The following RASGRP1 variants were observed in gnomAD, a reference collection of about 807,000 sequenced individuals.
RASGRP1 encodes the protein RAS guanyl releasing protein 1, also known as RAS guanyl-releasing protein 1.
In RASGRP1, 37 loss-of-function variants were observed where a neutral mutation model predicts 95.1. That is an observed-to-expected ratio of 0.39 (90% CI 0.30 to 0.51). The LOEUF is 0.51. Among genes scored for constraint, RASGRP1 ranks in the 20% least tolerant of loss-of-function variants. The pLI is 0.80. For missense variants in RASGRP1, 711 were observed against 965.4 expected, an observed-to-expected ratio of 0.74 and a Z score of 3.49; for synonymous variants, 325 against 353.4, an observed-to-expected ratio of 0.92 and a Z score of 0.90.
At chr15:38,524,867 T>C (rs1227743250) in intron 3 of RASGRP1, among the ~76,000 whole-genome samples, 2 of 151,482 alleles carry the variant, frequency 1.3e-5, no homozygotes, top group Non-Finnish European at 2.9e-5. Context: ...TAAGATTCTG[T>C]GAGAAGTACG....
Position 38,507,734 on chromosome 15 carries a change from A to G in RASGRP1, c.1234T>C (p.Leu412=), listed in dbSNP as rs1891319143. Residue 412 remains leucine (L), a synonymous_variant, in exon 9 of 17, where the codon TTG becomes CTG. Transcript: ENST00000310803. ...PLEANKDLVH[L]LTLSLDLYYT... ...TCCAGTGTGAGCCTCACCGTCAGCA[A>G]GTGTACCAAGTCCTTGTTAGCCTCC... 2 of 1,565,776 alleles carry G rather than the reference A, an allele frequency of 1.3e-6. No individual in the cohort carries two copies.
intron 8 of RASGRP1, among the ~76,000 whole-genome samples, chr15:38,509,523 T>C (rs530981218): frequency 1.2e-4 from 18 of 152,098 alleles, no homozygotes; most frequent in Non-Finnish European, 2.1e-4. Context: ...GGTCCAAAGT[T>C]CAAGACCAGC....
chr15:38,509,738 TAATAA>T (rs1891423128), intron 8 of RASGRP1, among the ~76,000 whole-genome samples: 2 of 152,074 alleles, frequency 1.3e-5, no homozygotes. Flanking sequence ...AATAAATAAA[TAATAA>T]AATTTATGAA....
chr15:38,496,797 T>C (rs1279760246), intron 15 of RASGRP1, among the ~76,000 whole-genome samples: 1 of 152,200 alleles, frequency 6.6e-6, no homozygotes, highest in African/African-American at 2.4e-5. Context: ...TAAAAAGGAA[T>C]GTGCATTTCT....
intron 3 of RASGRP1, among the ~76,000 whole-genome samples, chr15:38,520,164 C>T (rs1001405764): frequency 1.3e-5 from 2 of 152,178 alleles, no homozygotes; most frequent in African/African-American, 4.8e-5. Context: ...ATAGGTCCTG[C>T]CATTTCCCAT....
Position 38,516,303 on chromosome 15 carries a change from T to C in RASGRP1, c.569A>G (p.Asn190Ser), listed in dbSNP as rs1891783233. ...GGAGACTTTCCGTTTCTTGCTGGTA[T>C]TTGATTTTATCCTTTGAGTAAGTTT... ...SRKLTQRIKS[N>S]TSKKRKVSLL... The change falls in exon 6 of 17, where the codon AAT becomes AGT. Residue 190 changes from asparagine (N) to serine (S), a missense_variant. Transcript: ENST00000310803. The C allele has an allele frequency of 6.2e-7, 1 of 1,608,986 alleles. No homozygotes were observed. The highest frequency in any genetic ancestry group is 1.3e-5 in the African/African-American group (1 of 74,806).
At chr15:38,493,153 A>G (rs545815165) in intron 16 of RASGRP1, among the ~76,000 whole-genome samples, 25 of 149,164 alleles carry the variant, frequency 1.7e-4, no homozygotes, top group Non-Finnish European at 3.3e-4. Flanking sequence ...GTGCTAGGAT[A>G]ACAGGCGTGA....
At position 38,489,284 on chromosome 15, in the gene RASGRP1, A is replaced by G. The variant is rs2141068047; in HGVS notation, c.*1270T>C. 6.6e-6 allele frequency: 1 copy of G among 152,034 alleles called. No homozygotes were observed. Among genetic ancestry groups the G allele is most frequent in the East Asian group, 1.9e-4 (1 of 5,184 alleles). 9.4% of individuals were successfully genotyped at this position (152,034 alleles called of 1,614,324 possible). Reference sequence around the variant, plus strand: ...TTTTAAGAGAACTAAAAAGAGGCTGACAAATGAATTTGTGAATAGGTGCCC... The same window carrying G: ...TTTTAAGAGAACTAAAAAGAGGCTGGCAAATGAATTTGTGAATAGGTGCCC... On this transcript the variant is annotated 3_prime_UTR_variant, in exon 17 of 17. Transcript: ENST00000310803.
chr15:38,542,566 C>T (rs1448190975), intron 2 of RASGRP1, among the ~76,000 whole-genome samples: 1 of 151,206 alleles, frequency 6.6e-6, no homozygotes, highest in African/African-American at 2.4e-5. Flanking sequence ...ATGAAGACCT[C>T]TTCCAATTTC....
intron 4 of RASGRP1, among the ~76,000 whole-genome samples, 162 bp from the exon 5 acceptor site, chr15:38,518,585 G>T (rs904353279): frequency 3.3e-5 from 5 of 152,138 alleles, no homozygotes; most frequent in Non-Finnish European, 7.4e-5. Flanking sequence ...AGCAGGGAAG[G>T]AAGAAAACCC....
At chr15:38,564,128 G>T (rs901569119) in intron 1 of RASGRP1, among the ~76,000 whole-genome samples, 1 of 152,186 alleles carries the variant, frequency 6.6e-6, no homozygotes, top group Non-Finnish European at 1.5e-5. Flanking sequence ...CAACCGAGGG[G>T]TGCCACCTCT....
intron 9 of RASGRP1, among the ~76,000 whole-genome samples, chr15:38,506,974 C>G (rs1441339006): frequency 6.6e-6 from 1 of 152,086 alleles, no homozygotes; most frequent in Non-Finnish European, 1.5e-5. Flanking sequence ...ATGTGAAGCC[C>G]AGGGTTCTAT....
At position 38,564,652 on chromosome 15, in the gene RASGRP1, C is replaced by G; in HGVS notation, c.-24G>C. The G allele has an allele frequency of 1.5e-6, 2 of 1,305,624 alleles. No homozygotes were observed. Among genetic ancestry groups the G allele is most frequent in the African/African-American group, 3.1e-5 (2 of 65,282 alleles). The allele number at this position is 1,305,624 out of a possible 1,614,324, so 80.9% of individuals were successfully genotyped here. ...ATGGCCGCGGCCCGCGCTCCCGGTGCCGGCTCACCTAGCGCGGCCGGGCGC... is the reference window on the plus strand; with the variant it reads ...ATGGCCGCGGCCCGCGCTCCCGGTGGCGGCTCACCTAGCGCGGCCGGGCGC... On this transcript the variant is annotated 5_prime_UTR_variant, in exon 1 of 17. Coordinates refer to ENST00000310803, the MANE Select transcript of RASGRP1 (RefSeq NM_005739.4).
chr15:38,557,821 G>A lies in RASGRP1; in HGVS notation c.220+2000C>T, dbSNP rs564130890. On this transcript the variant is annotated intron_variant, in intron 2 of 16. Coordinates refer to ENST00000310803, the MANE Select transcript of RASGRP1 (RefSeq NM_005739.4). ...GACTCAACGGGACTTTTACAGCTTTGGGATTTTAAGCCATTGTTTTCAGTT... is the reference window on the plus strand; with the variant it reads ...GACTCAACGGGACTTTTACAGCTTTAGGATTTTAAGCCATTGTTTTCAGTT... Among the ~76,000 whole-genome samples the A allele has an allele frequency of 2.0e-5, 3 of 152,098 alleles. No individual in the cohort carries two copies. The South Asian group carries it at 6.2e-4, about 32-fold the overall frequency.
intron 15 of RASGRP1, among the ~76,000 whole-genome samples, chr15:38,496,382 G>GGAGA (rs1890793635): frequency 6.6e-6 from 1 of 152,122 alleles, no homozygotes; most frequent in South Asian, 2.1e-4. Context: ...TTGGAAAAGG[G>GGAGA]GAGAGATGGC....
At chr15:38,550,366 TAA>T (rs1022570622) in intron 2 of RASGRP1, among the ~76,000 whole-genome samples, 2 of 151,856 alleles carry the variant, frequency 1.3e-5, no homozygotes, top group Admixed American at 1.3e-4. Context: ...TAATACAAAA[TAA>T]AAAAAAGTTC....
At position 38,516,271 on chromosome 15, in the gene RASGRP1, A is replaced by G; in HGVS notation, c.601T>C (p.Phe201Leu). The G allele has an allele frequency of 6.2e-7, 1 of 1,603,054 alleles. No homozygotes were observed. The highest frequency in any genetic ancestry group is 8.5e-7 in the Non-Finnish European group (1 of 1,169,990). The change falls in exon 6 of 17, where the codon TTT becomes CTT. Residue 201 changes from phenylalanine (F) to leucine (L), a missense_variant. By Grantham distance (22) the Phe-to-Leu change is conservative (BLOSUM62 0). This residue lies in a region of RASGRP1 where 491 missense variants were observed against 676.6 expected (regional missense o/e 0.73). Coordinates refer to ENST00000310803, the MANE Select transcript of RASGRP1 (RefSeq NM_005739.4). Reference sequence around the variant, plus strand: ...AGCTCTTCTGGTTCCAGATGGTCAAAGAGCAGGGAGACTTTCCGTTTCTTG... The same window carrying G: ...AGCTCTTCTGGTTCCAGATGGTCAAGGAGCAGGGAGACTTTCCGTTTCTTG... ...TSKKRKVSLL[F>L]DHLEPEELSE...
chr15:38,494,224 C>T, intron 16 of RASGRP1, 158 bp downstream of exon 16: 4 of 961,798 alleles, frequency 4.2e-6, no homozygotes, highest in Non-Finnish European at 6.3e-6. Context: ...TCCCTCTCTT[C>T]CTCCCTGTTT....
intron 2 of RASGRP1, among the ~76,000 whole-genome samples, chr15:38,552,485 T>G (rs1265263740): frequency 6.6e-6 from 1 of 152,156 alleles, no homozygotes; most frequent in African/African-American, 2.4e-5. Context: ...GTTTGTTGAT[T>G]TCCACGGTGT....
Sources: gnomAD v4.1 joint callset for allele counts (sites outside exome capture counted in the v4.1 genomes callset) on GRCh38, gnomAD v4.1.1 for gene constraint, gnomAD v4.1.1 regional missense constraint, MANE v1.5 for transcripts, NCBI Gene and HGNC (gene_info 2026-07-23, HGNC 2026-07-21) for gene names.